SYCE1L: variants seen among roughly 807,000 people sequenced by gnomAD.
SYCE1L encodes the protein synaptonemal complex central element protein 1 like.
SYCE1L carries 51 observed loss-of-function variants against 39.6 expected under a neutral mutation model. The ratio of observed to expected loss-of-function variants is 1.29; its 90% CI spans 1.03 to 1.63. The LOEUF (loss-of-function observed/expected upper bound fraction) is 1.63, where lower values mean the gene tolerates loss of function less well. Ranked by LOEUF, SYCE1L falls within the 40% of genes most tolerant of loss-of-function variation. The pLI is 0.00. For synonymous variants in SYCE1L, 147 were observed against 122.4 expected (o/e 1.20, Z -1.33); for missense variants, 426 against 304.9 (o/e 1.40, Z -2.96).
chr16:77,203,633 T>A lies in SYCE1L; in HGVS notation c.62-2808T>A, dbSNP rs188703094. On this transcript the variant is annotated intron_variant, in intron 1 of 10. Transcript: ENST00000378644. ...TTGAGATGTAGTTTTTTGCTCTTGT[T>A]GCCCAGGCTGGAGTGCAATGGTGCC... Among the ~76,000 whole-genome samples, 200 of 146,964 alleles carry A rather than the reference T, an allele frequency of 1.4e-3. 4 individuals are homozygous for A. In the Admixed American group the frequency reaches 0.014, roughly 10 times the overall value.
In SYCE1L at chr16:77,199,522, G is replaced by A. The variant is rs1362541858; in HGVS notation, c.61+10G>A. On this transcript the variant is annotated intron_variant, in intron 1 of 10. Transcript: ENST00000378644. The stretch of plus-strand genomic sequence containing the variant: ...ACTGAGGAGGCTGAAGGTAGTGAGG[G>A]CAAGTGGGCTGCACTCCTTTCTCTC... 1 of 1,549,904 alleles carries A rather than the reference G, an allele frequency of 6.5e-7. No individual in the cohort carries two copies. The highest frequency in any genetic ancestry group is 1.2e-5 in the South Asian group (1 of 84,022).
intron 6 of SYCE1L, among the ~76,000 whole-genome samples, chr16:77,209,981 T>C (rs1212327399): frequency 1.7e-4 from 26 of 152,224 alleles, no homozygotes; most frequent in Admixed American, 1.7e-3. Flanking sequence ...TTCCATCATA[T>C]ATTCACTTAG....
chr16:77,205,860 C>T (rs1374654793), intron 1 of SYCE1L, among the ~76,000 whole-genome samples: 1 of 152,072 alleles, frequency 6.6e-6, no homozygotes, highest in African/African-American at 2.4e-5. Context: ...TAAGTGCATC[C>T]TGAGCTGCAG....
intron 7 of SYCE1L, among the ~76,000 whole-genome samples, chr16:77,211,627 C>T (rs1004027284): frequency 6.6e-6 from 1 of 152,140 alleles, no homozygotes; most frequent in African/African-American, 2.4e-5. Flanking sequence ...GTGGTTGCAC[C>T]GGTCAGCATT....
intron 1 of SYCE1L, chr16:77,199,866 G>A: frequency 5.2e-6 from 1 of 194,018 alleles, no homozygotes. Context: ...TCCCAGTGTC[G>A]CCATTTCACA....
intron 2 of SYCE1L, 140 bp from the exon 3 acceptor site, chr16:77,208,070 C>A: frequency 3.7e-6 from 3 of 811,126 alleles, no homozygotes; most frequent in South Asian, 2.0e-5. Context: ...CTTCAAGGGG[C>A]TCTGGCAGAG....
At chr16:77,199,784 A>G (rs2142506691) in intron 1 of SYCE1L, 1 of 337,174 alleles carries the variant, frequency 3.0e-6, no homozygotes. Flanking sequence ...GAAAGTCTTC[A>G]AACAAAAGTG....
intron 6 of SYCE1L, 38 bp downstream of exon 6, chr16:77,209,509 C>A: frequency 3.9e-6 from 6 of 1,549,726 alleles, no homozygotes; most frequent in Non-Finnish European, 5.2e-6. Context: ...TACCTCATTC[C>A]CCAGCTGAAA....
At chr16:77,202,173 C>G (rs986575459) in intron 1 of SYCE1L, 3 of 152,090 alleles carry the variant, frequency 2.0e-5, no homozygotes, top group African/African-American at 7.2e-5. Context: ...GTATTAACAT[C>G]CAGGTTTTGA....
At chr16:77,205,864 G>A (rs558619514) in intron 1 of SYCE1L, among the ~76,000 whole-genome samples, 134 of 152,214 alleles carry the variant, frequency 8.8e-4, no homozygotes, top group African/African-American at 2.9e-3. Flanking sequence ...TGCATCCTGA[G>A]CTGCAGTCCT....
chr16:77,205,403 C>A (rs577967265), intron 1 of SYCE1L, among the ~76,000 whole-genome samples: 9 of 116,498 alleles, frequency 7.7e-5, no homozygotes, highest in African/African-American at 2.4e-4. Flanking sequence ...AGAAGTAACA[C>A]AGGCTCATGT....
Position 77,212,999 on chromosome 16 carries a change from G to C in SYCE1L, c.*68G>C. 1 of 1,400,276 alleles carries C rather than the reference G, an allele frequency of 7.1e-7. No individual in the cohort carries two copies. Among genetic ancestry groups the C allele is most frequent in the South Asian group, 1.4e-5 (1 of 69,620 alleles). 86.7% of individuals were successfully genotyped at this position (1,400,276 alleles called of 1,614,324 possible). ...CCAAGAAATAAAGGCGATGATTTCCGACCATGCTCGCGTTCTCCGCGGAGT... is the reference window on the plus strand; with the variant it reads ...CCAAGAAATAAAGGCGATGATTTCCCACCATGCTCGCGTTCTCCGCGGAGT... On this transcript the variant is annotated 3_prime_UTR_variant, in exon 11 of 11. Transcript: ENST00000378644.
At chr16:77,212,491 G>A in intron 9 of SYCE1L, 83 bp from the exon 10 acceptor site, 2 of 1,539,000 alleles carry the variant, frequency 1.3e-6, no homozygotes, top group Admixed American at 2.0e-5. Context: ...CGGCGTCGTC[G>A]GGTCTCCGCG....
At chr16:77,200,583 T>G in intron 1 of SYCE1L, 1 of 151,478 alleles carries the variant, frequency 6.6e-6, no homozygotes, top group East Asian at 1.9e-4. Context: ...TGGCGAAACC[T>G]CGTCTCTACT....
In SYCE1L at chr16:77,206,502, T is replaced by C. The variant is rs1467716104; in HGVS notation, c.121+2T>C. 1.9e-6 allele frequency: 3 copies of C among 1,551,550 alleles called. No homozygotes were observed. The highest frequency in any genetic ancestry group is 2.4e-5 in the East Asian group (1 of 40,930). Reference sequence around the variant, plus strand: ...CAATGGTGATAAAGCTGCAGAAAGGTCATGTGTCTCTTTGTTTCTGAGCCT... The same window carrying C: ...CAATGGTGATAAAGCTGCAGAAAGGCCATGTGTCTCTTTGTTTCTGAGCCT... On this transcript the variant is annotated splice_donor_variant, in intron 2 of 10. Transcript: ENST00000378644. LOFTEE classifies it high-confidence loss of function.
Position 77,199,527 on chromosome 16 carries a change from T to G in SYCE1L, c.61+15T>G. On this transcript the variant is annotated intron_variant, in intron 1 of 10. Transcript: ENST00000378644. Reference sequence around the variant, plus strand: ...GGAGGCTGAAGGTAGTGAGGGCAAGTGGGCTGCACTCCTTTCTCTCCAACC... The same window carrying G: ...GGAGGCTGAAGGTAGTGAGGGCAAGGGGGCTGCACTCCTTTCTCTCCAACC... 1 of 1,545,782 alleles carries G rather than the reference T, an allele frequency of 6.5e-7. No individual in the cohort carries two copies. Among genetic ancestry groups the G allele is most frequent in the Admixed American group, 2.0e-5 (1 of 50,974 alleles).
At chr16:77,206,292 G>A (rs1477274374) in intron 1 of SYCE1L, 149 bp from the exon 2 acceptor site, 3 of 654,322 alleles carry the variant, frequency 4.6e-6, no homozygotes, top group African/African-American at 1.8e-5. Flanking sequence ...CAAGAGACGG[G>A]GGCCCTGCTT....
At chr16:77,208,770 C>T (rs7194408) in intron 4 of SYCE1L, among the ~76,000 whole-genome samples, 43,981 of 152,096 alleles carry the variant, frequency 0.29, 7,825 homozygotes, top group Non-Finnish European at 0.39. Context: ...GTCATTCTCA[C>T]GCCCCTGGCT....
intron 7 of SYCE1L, 26 bp downstream of exon 7, chr16:77,211,302 C>T: frequency 6.4e-7 from 1 of 1,551,602 alleles, no homozygotes; most frequent in South Asian, 1.2e-5. Context: ...TGCCTGCAAC[C>T]AAAGCCACTC....
Sources: allele counts gnomAD v4.1 joint callset (sites outside exome capture counted in the v4.1 genomes callset), GRCh38; gene constraint gnomAD v4.1.1; transcripts MANE v1.5; gene names NCBI Gene and HGNC (gene_info 2026-07-23, HGNC 2026-07-21).